RBM33: variants seen among roughly 807,000 people sequenced by gnomAD.
RBM33 encodes the protein RNA binding motif protein 33.
Under a neutral mutation model 132.6 loss-of-function variants are expected in RBM33, and 28 were observed. The observed-to-expected ratio is 0.21, with a 90% confidence interval of 0.16 to 0.29. The LOEUF (loss-of-function observed/expected upper bound fraction) is 0.29. Ranked by LOEUF, RBM33 falls within the 10% of genes least tolerant of loss-of-function variation. The pLI is 1.00. For synonymous variants in RBM33, 634 were observed against 593.0 expected (o/e 1.07, Z -1.01); for missense variants, 1,291 against 1,518.5 (o/e 0.85, Z 2.49).
At chr7:155,744,804 A>C (rs1450311374) in intron 13 of RBM33, among the ~76,000 whole-genome samples, 157 bp from the exon 14 acceptor site, 9 of 152,202 alleles carry the variant, frequency 5.9e-5, no homozygotes, top group Non-Finnish European at 8.8e-5. Flanking sequence ...CCCCAGAGGA[A>C]GGAGTTATAC....
chr7:155,736,153 G>T lies in RBM33; in HGVS notation c.1261-1377G>T, dbSNP rs1801119937. Among the ~76,000 whole-genome samples the T allele has an allele frequency of 2.6e-5, 4 of 152,192 alleles. 1 individual carries two copies. The South Asian group carries it at 8.3e-4, about 31-fold the overall frequency. Reference sequence around the variant, plus strand: ...TGTTCATTTTGTCTATTCTGTCAATGCCATGGGTAGAACAGACTTTTGTAG... The same window carrying T: ...TGTTCATTTTGTCTATTCTGTCAATTCCATGGGTAGAACAGACTTTTGTAG... On this transcript the variant is annotated intron_variant, in intron 9 of 17. Transcript: ENST00000401878.
chr7:155,712,941 C>T (rs1380554627), intron 8 of RBM33, among the ~76,000 whole-genome samples: 4 of 152,116 alleles, frequency 2.6e-5, no homozygotes, highest in Non-Finnish European at 5.9e-5. Flanking sequence ...AGGAGACTGT[C>T]GGGTGGCAAG....
intron 3 of RBM33, among the ~76,000 whole-genome samples, chr7:155,673,136 A>G (rs543931331): frequency 1.3e-5 from 2 of 152,254 alleles, no homozygotes; most frequent in East Asian, 3.9e-4. Flanking sequence ...ATTAGTTCCT[A>G]CTTTGTCCAA....
intron 5 of RBM33, among the ~76,000 whole-genome samples, chr7:155,686,528 G>A (rs773568234): frequency 2.0e-5 from 3 of 149,854 alleles, no homozygotes; most frequent in African/African-American, 7.4e-5. Flanking sequence ...TGTGCATAAC[G>A]TGCGGGTTTG....
intron 5 of RBM33, among the ~76,000 whole-genome samples, chr7:155,687,933 A>G (rs539735927): frequency 2.1e-3 from 322 of 152,174 alleles, no homozygotes; most frequent in Non-Finnish European, 4.1e-3. Context: ...TTGTTCTTTT[A>G]GCTTAGGATT....
intron 8 of RBM33, among the ~76,000 whole-genome samples, chr7:155,716,412 C>T (rs1462320245): frequency 7.0e-6 from 1 of 143,402 alleles, no homozygotes; most frequent in East Asian, 2.2e-4. Flanking sequence ...TTATTATAAT[C>T]AGATTGCTTT....
chr7:155,723,583 G>A (rs1251270242), intron 9 of RBM33, among the ~76,000 whole-genome samples: 4 of 152,086 alleles, frequency 2.6e-5, no homozygotes, highest in East Asian at 1.9e-4. Flanking sequence ...CGGCAGTAAC[G>A]AGCAGCTAAA....
In RBM33 at chr7:155,745,726, C is replaced by G; in HGVS notation, c.2979+124C>G. 2 of 942,446 alleles carry G rather than the reference C, an allele frequency of 2.1e-6. No individual in the cohort carries two copies. The highest frequency in any genetic ancestry group is 5.3e-5 in the East Asian group (2 of 37,506). 58.4% of individuals were successfully genotyped at this position (942,446 alleles called of 1,614,324 possible). The stretch of plus-strand genomic sequence containing the variant: ...CCTCTGTTATAGTCTTGTAACCAAT[C>G]TCTACCTACTTGAAGTTGGTATAAG... On this transcript the variant is annotated intron_variant, in intron 14 of 17. Transcript: ENST00000401878. This position sits in a 1 kb window ranked among gnomAD's most constrained non-coding sequence, Gnocchi z 4.1.
chr7:155,647,764 A>G (rs967811839), intron 1 of RBM33, among the ~76,000 whole-genome samples: 1 of 152,236 alleles, frequency 6.6e-6, no homozygotes, highest in African/African-American at 2.4e-5. Context: ...GCCAAGTAGT[A>G]AGGATAGAGA....
intron 3 of RBM33, among the ~76,000 whole-genome samples, chr7:155,673,801 C>CACACACACA (rs1799077085): frequency 4.9e-5 from 7 of 142,400 alleles, no homozygotes; most frequent in South Asian, 2.2e-4. Flanking sequence ...CACACACACA[C>CACACACACA]CCCTACCAGT....
At chr7:155,667,328 A>G (rs539910502) in intron 2 of RBM33, among the ~76,000 whole-genome samples, 1 of 151,958 alleles carries the variant, frequency 6.6e-6, no homozygotes, top group Non-Finnish European at 1.5e-5. Context: ...GATCATAGCA[A>G]GCAGGAACTC....
At chr7:155,688,648 C>T (rs1180614822) in intron 5 of RBM33, among the ~76,000 whole-genome samples, 2 of 152,090 alleles carry the variant, frequency 1.3e-5, no homozygotes, top group Non-Finnish European at 2.9e-5. Context: ...TGAGATACGT[C>T]CCATCAATAC....
chr7:155,754,501 C>T (rs1801784753), intron 14 of RBM33, among the ~76,000 whole-genome samples: 1 of 152,200 alleles, frequency 6.6e-6, no homozygotes, highest in Non-Finnish European at 1.5e-5. Flanking sequence ...CACCCTGCCT[C>T]ATAAGCCACA....
At chr7:155,659,754 C>T (rs1798590328) in intron 1 of RBM33, among the ~76,000 whole-genome samples, 1 of 152,192 alleles carries the variant, frequency 6.6e-6, no homozygotes, top group Non-Finnish European at 1.5e-5. Context: ...ACACCACACA[C>T]TGGATATATT....
At position 155,774,538 on chromosome 7, in the gene RBM33, GTGTT is replaced by G. The variant is rs1467060939; in HGVS notation, c.3376-15_3376-12del. On this transcript the variant is annotated splice_polypyrimidine_tract_variant and intron_variant, in intron 16 of 17. Coordinates refer to ENST00000401878, the MANE Select transcript of RBM33 (RefSeq NM_053043.3). This position sits in a 1 kb window ranked among gnomAD's most constrained non-coding sequence, Gnocchi z 4.2. ...ATTGTCATTTACAACTGATCTTAAA[GTGTT>G]TGTTTTCTTCCTCTAGAGTTTACAG... 1.3e-6 allele frequency: 2 copies of G among 1,556,780 alleles called. No individual in the cohort carries two copies. The highest frequency in any genetic ancestry group is 8.9e-7 in the Non-Finnish European group (1 of 1,127,686).
At chr7:155,679,971 T>C (rs1282037793) in intron 4 of RBM33, among the ~76,000 whole-genome samples, 2 of 152,232 alleles carry the variant, frequency 1.3e-5, no homozygotes, top group Non-Finnish European at 2.9e-5. Context: ...TTTGTTATTT[T>C]ACTTAGAAAT....
At chr7:155,720,315 C>T (rs766832119) in intron 9 of RBM33, among the ~76,000 whole-genome samples, 7 of 152,128 alleles carry the variant, frequency 4.6e-5, no homozygotes, top group South Asian at 2.1e-4. Flanking sequence ...TGGGGTATAG[C>T]GCGTGCAGTG....
At chr7:155,664,128 A>G (rs891318994) in intron 1 of RBM33, among the ~76,000 whole-genome samples, 8 of 152,210 alleles carry the variant, frequency 5.3e-5, no homozygotes, top group Non-Finnish European at 8.8e-5. Flanking sequence ...TGGCTTGTTC[A>G]CATTGAGATG....
chr7:155,695,611 C>T (rs760699537), intron 5 of RBM33, among the ~76,000 whole-genome samples: 3 of 152,060 alleles, frequency 2.0e-5, no homozygotes, highest in Non-Finnish European at 4.4e-5. Context: ...AGGCACGTAC[C>T]ACCACACCTG....
Sources: gnomAD v4.1 joint callset for allele counts (sites outside exome capture counted in the v4.1 genomes callset) on GRCh38, gnomAD v4.1.1 for gene constraint, Gnocchi (gnomAD v3.1) non-coding constraint, MANE v1.5 for transcripts, NCBI Gene and HGNC (gene_info 2026-07-23, HGNC 2026-07-21) for gene names.